The following CRYBG1 variants were observed in gnomAD, a reference collection of about 807,000 sequenced individuals.
The protein encoded by CRYBG1 is beta/gamma crystallin domain-containing protein 1.
In CRYBG1, 139 loss-of-function variants were observed where a neutral mutation model predicts 189.2. That is an observed-to-expected ratio of 0.73 (90% CI 0.64 to 0.85). The LOEUF is 0.85. Among genes scored for constraint, CRYBG1 ranks in the 40% least tolerant of loss-of-function variants. The pLI is 0.00. For synonymous variants in CRYBG1, 1,023 were observed against 1,017.1 expected, an observed-to-expected ratio of 1.01 and a Z score of -0.11; for missense variants, 2,611 against 2,675.8, an observed-to-expected ratio of 0.98 and a Z score of 0.53.
intron 1 of CRYBG1, among the ~76,000 whole-genome samples, chr6:106,363,976 A>G (rs1771931221): frequency 6.6e-6 from 1 of 152,194 alleles, no homozygotes; most frequent in African/African-American, 2.4e-5. Flanking sequence ...AAGAAATGGA[A>G]AAGATAGGTT....
At position 106,511,631 on chromosome 6, in the gene CRYBG1, A is replaced by G; in HGVS notation, c.514A>G (p.Ser172Gly). ...ERESERSRSQ[S>G]SQLKQTDTSE... ...AGAGAGTGAGAGGAGCAGATCTCAG[A>G]GCAGCCAACTGAAGCAAACGGACAC... The change falls in exon 3 of 22, where the codon AGC (serine) becomes GGC (glycine). Residue 172 changes from serine (S) to glycine (G), a missense_variant. Ser to Gly is a moderately conservative substitution (Grantham distance 56, BLOSUM62 0). Coordinates refer to ENST00000633556, the MANE Select transcript of CRYBG1 (RefSeq NM_001371242.2). The G allele has an allele frequency of 1.3e-6, 2 of 1,535,848 alleles. No individual in the cohort carries two copies. Among genetic ancestry groups the G allele is most frequent in the Non-Finnish European group, 1.7e-6 (2 of 1,146,694 alleles).
chr6:106,393,187 G>A lies in CRYBG1; in HGVS notation c.173+32106G>A, dbSNP rs17066944. Among the ~76,000 whole-genome samples the A allele has an allele frequency of 5.1e-3, 781 of 152,270 alleles. 7 individuals are homozygous for A. Among genetic ancestry groups the A allele is most frequent in the African/African-American group, 0.018 (747 of 41,556 alleles). Reference sequence around the variant, plus strand: ...TTGGTTTCTAAATTGTAAACATTGGGCTAGCTCATCAGAGTTCTGAGATGG... The same window carrying A: ...TTGGTTTCTAAATTGTAAACATTGGACTAGCTCATCAGAGTTCTGAGATGG... On this transcript the variant is annotated intron_variant, in intron 1 of 21. Transcript: ENST00000633556.
At chr6:106,563,729 C>T in intron 20 of CRYBG1, 35 bp from the exon 21 acceptor site, 1 of 1,574,884 alleles carries the variant, frequency 6.3e-7, no homozygotes, top group Non-Finnish European at 8.7e-7. Context: ...CAGCTGGATA[C>T]ATATTTAAGA....
At chr6:106,550,445 A>T (rs555730462) in intron 13 of CRYBG1, among the ~76,000 whole-genome samples, 1 of 152,344 alleles carries the variant, frequency 6.6e-6, no homozygotes, top group South Asian at 2.1e-4. Context: ...AACAGAACTG[A>T]AAAACCTTTT....
At position 106,511,660 on chromosome 6, in the gene CRYBG1, C is replaced by T. The variant is rs761826417; in HGVS notation, c.543C>T (p.Ser181=). ...QSSQLKQTDT[S]EEGSPRENPR... is the part of the protein sequence containing the mutation. ...GCCAACTGAAGCAAACGGACACAAG[C>T]GAGGAGGGCTCCCCGCGGGAGAATC... The change falls in exon 3 of 22, where the codon AGC becomes AGT. Residue 181 remains serine (S), a synonymous_variant. Coordinates refer to ENST00000633556, the MANE Select transcript of CRYBG1 (RefSeq NM_001371242.2). 6 of 1,535,612 alleles carry T rather than the reference C, an allele frequency of 3.9e-6. No homozygotes were observed. Among genetic ancestry groups the T allele is most frequent in the African/African-American group, 1.4e-5 (1 of 73,036 alleles).
intron 1 of CRYBG1, among the ~76,000 whole-genome samples, chr6:106,416,852 C>T (rs1771029997): frequency 6.6e-6 from 1 of 152,062 alleles, no homozygotes; most frequent in Non-Finnish European, 1.5e-5. Flanking sequence ...GGTTGAAAAA[C>T]ATATGGGAAG....
chr6:106,560,110 A>C (rs1774669386), intron 18 of CRYBG1, among the ~76,000 whole-genome samples: 2 of 152,140 alleles, frequency 1.3e-5, no homozygotes, highest in African/African-American at 4.8e-5. Context: ...AAATTATAGA[A>C]TATTAGGGTG....
chr6:106,504,543 T>C (rs140662802), intron 2 of CRYBG1, among the ~76,000 whole-genome samples: 1 of 152,136 alleles, frequency 6.6e-6, no homozygotes, highest in Non-Finnish European at 1.5e-5. Context: ...CTGAATCATA[T>C]ATAATAGAAA....
intron 21 of CRYBG1, 91 bp downstream of exon 21, chr6:106,564,017 G>A (rs1774800191): frequency 1.5e-6 from 2 of 1,310,554 alleles, no homozygotes; most frequent in Admixed American, 1.8e-5. Flanking sequence ...AATGATGAAT[G>A]TATTATTAGT....
intron 6 of CRYBG1, among the ~76,000 whole-genome samples, chr6:106,526,941 CAAAAAAAA>C (rs35768853): frequency 4.5e-5 from 4 of 88,388 alleles, no homozygotes; most frequent in Non-Finnish European, 6.2e-5. Flanking sequence ...ACTCTGTATC[CAAAAAAAA>C]AAAAAAAAAA....
intron 13 of CRYBG1, among the ~76,000 whole-genome samples, chr6:106,550,885 T>A (rs1015679756): frequency 2.0e-5 from 3 of 152,160 alleles, no homozygotes; most frequent in African/African-American, 7.2e-5. Flanking sequence ...CAGAGAAGTA[T>A]TGCCTTTGTA....
At chr6:106,378,079 A>G (rs1365912950) in intron 1 of CRYBG1, among the ~76,000 whole-genome samples, 1 of 152,146 alleles carries the variant, frequency 6.6e-6, no homozygotes, top group Admixed American at 6.5e-5. Context: ...GAGCATGGTG[A>G]GGAGTGGGAG....
chr6:106,555,991 AAGTT>A, intron 17 of CRYBG1, 94 bp downstream of exon 17: 5 of 1,398,232 alleles, frequency 3.6e-6, no homozygotes, highest in Non-Finnish European at 5.0e-6. Context: ...CCTGCTCTTA[AAGTT>A]AGTTAAGGGC....
intron 2 of CRYBG1, among the ~76,000 whole-genome samples, chr6:106,499,316 C>G (rs750470950): frequency 6.7e-5 from 9 of 133,878 alleles, no homozygotes; most frequent in Non-Finnish European, 1.1e-4. Flanking sequence ...CCACACCCGG[C>G]TAATTTTTTT....
chr6:106,399,229 T>G (rs1770671442), intron 1 of CRYBG1, among the ~76,000 whole-genome samples: 1 of 152,236 alleles, frequency 6.6e-6, no homozygotes, highest in South Asian at 2.1e-4. Context: ...TAATTTTGTA[T>G]GCAGAAAATC....
At chr6:106,504,958 A>G (rs1470395298) in intron 2 of CRYBG1, among the ~76,000 whole-genome samples, 2 of 152,076 alleles carry the variant, frequency 1.3e-5, no homozygotes, top group African/African-American at 2.4e-5. Context: ...TAAAAAAAAA[A>G]AAGAATCATG....
intron 1 of CRYBG1, among the ~76,000 whole-genome samples, chr6:106,449,063 G>T (rs142740483): frequency 6.6e-6 from 1 of 152,182 alleles, no homozygotes; most frequent in Non-Finnish European, 1.5e-5. Flanking sequence ...GCTTCTGTGA[G>T]TTGGACTGTT....
rs1171949917 is a variant in CRYBG1, at chr6:106,451,842, C to A, written c.312+10C>A. The A allele has an allele frequency of 6.5e-7, 1 of 1,532,552 alleles. No homozygotes were observed. The highest frequency in any genetic ancestry group is 8.7e-7 in the Non-Finnish European group (1 of 1,145,224). 94.9% of individuals were successfully genotyped at this position (1,532,552 alleles called of 1,614,324 possible). ...TGGAATATTTAAAAAGGTAATGCTTCATTTCTAATGTTTGACTCCCAAGAA... is the reference window on the plus strand; with the variant it reads ...TGGAATATTTAAAAAGGTAATGCTTAATTTCTAATGTTTGACTCCCAAGAA... On this transcript the variant is annotated intron_variant, in intron 2 of 21. Transcript: ENST00000633556.
At chr6:106,565,085 C>T (rs1774841245) in intron 21 of CRYBG1, among the ~76,000 whole-genome samples, 1 of 151,932 alleles carries the variant, frequency 6.6e-6, no homozygotes, top group South Asian at 2.1e-4. Flanking sequence ...TTTGGGAGGC[C>T]CTGGTGGGTG....
Sources: gnomAD v4.1 joint callset for allele counts (sites outside exome capture counted in the v4.1 genomes callset) on GRCh38, gnomAD v4.1.1 for gene constraint, MANE v1.5 for transcripts, NCBI Gene and HGNC (gene_info 2026-07-23, HGNC 2026-07-21) for gene names.